The following MEI4 variants were observed in gnomAD, a reference collection of about 807,000 sequenced individuals.
The protein encoded by MEI4 is meiosis-specific protein MEI4.
MEI4 carries 27 observed loss-of-function variants against 31.4 expected under a neutral mutation model. The observed-to-expected ratio is 0.86, with a 90% CI of 0.63 to 1.19. The LOEUF (loss-of-function observed/expected upper bound fraction) is 1.19, where lower values mean the gene tolerates loss of function less well. Ranked by LOEUF, MEI4 falls within the 50% of genes most tolerant of loss-of-function variation. The pLI, the probability that MEI4 is intolerant of heterozygous loss-of-function variation, is 0.00. For missense variants in MEI4, 329 were observed against 398.9 expected, an observed-to-expected ratio of 0.82 and a Z score of 1.49; for synonymous variants, 122 against 145.4, an observed-to-expected ratio of 0.84 and a Z score of 1.16.
intron 2 of MEI4, among the ~76,000 whole-genome samples, chr6:77,745,049 A>G (rs560562781): frequency 1.4e-4 from 22 of 152,352 alleles, no homozygotes; most frequent in African/African-American, 5.1e-4. Context: ...GGCTAGGAGG[A>G]AACTGCATCA....
chr6:77,701,218 C>G (rs1177257892), intron 2 of MEI4, among the ~76,000 whole-genome samples: 2 of 151,998 alleles, frequency 1.3e-5, no homozygotes, highest in Non-Finnish European at 2.9e-5. Context: ...AAGAGGGACT[C>G]TTAATGTTGG....
At chr6:77,824,824 A>G (rs754223319) in intron 3 of MEI4, among the ~76,000 whole-genome samples, 90 of 152,152 alleles carry the variant, frequency 5.9e-4, no homozygotes, top group Non-Finnish European at 1.0e-3. Context: ...CTTAGTTCAC[A>G]TTGTTCCAAT....
At position 77,732,867 on chromosome 6, in the gene MEI4, G is replaced by C. The variant is rs149725030; in HGVS notation, c.233-28263G>C. On this transcript the variant is annotated intron_variant, in intron 2 of 4. Coordinates refer to ENST00000684080, the MANE Select transcript of MEI4 (RefSeq NM_001322247.2). ...TGTTGAATTTTGTCAAAGGCCTTTT[G>C]TGCATCTATTGAGATAATCATGTGG... 0.018 allele frequency among the ~76,000 whole-genome samples: 2,736 copies of C among 150,812 alleles called. 218 individuals are homozygous for C. In the East Asian group the frequency reaches 0.26, roughly 14 times the overall value.
intron 4 of MEI4, among the ~76,000 whole-genome samples, chr6:77,913,192 C>T (rs777798304): frequency 6.6e-6 from 1 of 152,080 alleles, no homozygotes; most frequent in Non-Finnish European, 1.5e-5. Context: ...GGTTTTCTAG[C>T]ATATTGTTGA....
intron 2 of MEI4, among the ~76,000 whole-genome samples, chr6:77,748,698 A>G (rs1767680227): frequency 6.6e-6 from 1 of 152,230 alleles, no homozygotes; most frequent in Non-Finnish European, 1.5e-5. Context: ...TCTCCCAAGA[A>G]AATAGGTTTT....
chr6:77,745,842 A>T (rs562706134), intron 2 of MEI4, among the ~76,000 whole-genome samples: 2 of 152,324 alleles, frequency 1.3e-5, no homozygotes, highest in Admixed American at 1.3e-4. Flanking sequence ...AACTACATGG[A>T]AACTGAACAA....
rs941222400 is a variant in MEI4, at chr6:77,790,861, A to T, written c.768+29196A>T. On this transcript the variant is annotated intron_variant, in intron 3 of 4. Transcript: ENST00000684080. ...AAAAAAACAAACAACCCCATCAAAA[A>T]GTGGGCGAAGGACAAGAACAGACAC... Among the ~76,000 whole-genome samples, 9 of 152,216 alleles carry T rather than the reference A, an allele frequency of 5.9e-5. 1 individual carries two copies. Among genetic ancestry groups the T allele is most frequent in the Non-Finnish European group, 7.3e-5 (5 of 68,030 alleles).
intron 3 of MEI4, among the ~76,000 whole-genome samples, chr6:77,787,541 G>A (rs970007888): frequency 6.6e-6 from 1 of 152,016 alleles, no homozygotes; most frequent in Admixed American, 6.6e-5. Context: ...GTCAGCCCAG[G>A]GATCCAACAA....
At chr6:77,893,577 T>C (rs548589751) in intron 4 of MEI4, among the ~76,000 whole-genome samples, 10 of 152,352 alleles carry the variant, frequency 6.6e-5, no homozygotes, top group African/African-American at 2.4e-4. Context: ...CCGTCCTCTT[T>C]GTTGATTGTT....
chr6:77,816,680 G>A (rs1391401813), intron 3 of MEI4, among the ~76,000 whole-genome samples: 4 of 152,020 alleles, frequency 2.6e-5, no homozygotes, highest in African/African-American at 9.7e-5. Flanking sequence ...TGGGTCAAAT[G>A]GTATTTCTCG....
Position 77,761,574 on chromosome 6 carries a change from C to T in MEI4, c.677C>T (p.Ser226Phe). Residue 226 changes from serine (S) to phenylalanine (F), a missense_variant, in exon 3 of 5, where the codon TCT (serine) becomes TTT (phenylalanine). Physicochemically the swap from Ser to Phe is radical, Grantham distance 155. Coordinates refer to ENST00000684080, the MANE Select transcript of MEI4 (RefSeq NM_001322247.2). ...AGTCTGATCAGTGACTATAACTTAT[C>T]TAGTCATATTCTTAAAAAGTGTTCC... ...LASLISDYNL[S>F]SHILKKCSKK... The T allele has an allele frequency of 8.1e-7, 1 of 1,231,312 alleles. No individual in the cohort carries two copies. Among genetic ancestry groups the T allele is most frequent in the Non-Finnish European group, 1.0e-6 (1 of 987,218 alleles). 76.3% of individuals were successfully genotyped at this position (1,231,312 alleles called of 1,614,324 possible).
At chr6:77,844,630 A>G (rs1770436476) in intron 4 of MEI4, among the ~76,000 whole-genome samples, 1 of 152,178 alleles carries the variant, frequency 6.6e-6, no homozygotes, top group Non-Finnish European at 1.5e-5. Context: ...GTAATTTTAT[A>G]AGTGTTTTTA....
chr6:77,875,328 C>A (rs1429600948), intron 4 of MEI4, among the ~76,000 whole-genome samples: 1 of 152,224 alleles, frequency 6.6e-6, no homozygotes, highest in Non-Finnish European at 1.5e-5. Flanking sequence ...GGTTTCACTA[C>A]CATAGAACTC....
intron 4 of MEI4, among the ~76,000 whole-genome samples, chr6:77,911,471 G>A (rs540963641): frequency 6.6e-6 from 1 of 151,752 alleles, no homozygotes; most frequent in African/African-American, 2.4e-5. Context: ...GACCCTACCT[G>A]CTATAGTAGT....
intron 4 of MEI4, among the ~76,000 whole-genome samples, chr6:77,863,785 C>A (rs181013274): frequency 2.0e-5 from 3 of 152,154 alleles, no homozygotes; most frequent in African/African-American, 7.2e-5. Flanking sequence ...TTGTCAGATT[C>A]ACCAAAGTTG....
chr6:77,667,549 G>A (rs188156989), intron 1 of MEI4, among the ~76,000 whole-genome samples: 1 of 152,234 alleles, frequency 6.6e-6, no homozygotes, highest in East Asian at 1.9e-4. Context: ...CCACTGAGCT[G>A]TGTGTTAGAA....
intron 4 of MEI4, among the ~76,000 whole-genome samples, chr6:77,835,373 A>AACACAC (rs149668655): frequency 7.2e-4 from 70 of 96,804 alleles, no homozygotes; most frequent in African/African-American, 2.2e-3. Context: ...AACAAAACAA[A>AACACAC]ACACACACAC....
intron 3 of MEI4, among the ~76,000 whole-genome samples, chr6:77,780,077 C>A (rs1287007712): frequency 6.6e-6 from 1 of 152,100 alleles, no homozygotes; most frequent in Non-Finnish European, 1.5e-5. Context: ...AGCTTGCAGG[C>A]TGACTACATG....
chr6:77,894,248 GAT>G (rs1462012587), intron 4 of MEI4, among the ~76,000 whole-genome samples: 1 of 112,366 alleles, frequency 8.9e-6, no homozygotes, highest in Admixed American at 9.2e-5. Flanking sequence ...TTAATATTAT[GAT>G]ATTTCTTTGT....
Sources: allele counts gnomAD v4.1 joint callset (sites outside exome capture counted in the v4.1 genomes callset), GRCh38; gene constraint gnomAD v4.1.1; transcripts MANE v1.5; gene names NCBI Gene and HGNC (gene_info 2026-07-23, HGNC 2026-07-21).